ADGRB3: variants seen among roughly 807,000 people sequenced by gnomAD.
ADGRB3 encodes adhesion G protein-coupled receptor B3.
ADGRB3 carries 37 observed loss-of-function variants against 193.4 expected under a neutral mutation model. The observed-to-expected ratio is 0.19, with a 90% CI of 0.15 to 0.25. The LOEUF is 0.25. Among genes scored for constraint, ADGRB3 ranks in the 10% least tolerant of loss-of-function variants. ADGRB3 has a pLI of 1.00. For missense variants in ADGRB3, 1,637 were observed against 1,852.9 expected, an observed-to-expected ratio of 0.88 and a Z score of 2.14; for synonymous variants, 690 against 644.2, an observed-to-expected ratio of 1.07 and a Z score of -1.08.
chr6:69,225,530 A>G (rs1765990984), intron 17 of ADGRB3, among the ~76,000 whole-genome samples: 1 of 152,132 alleles, frequency 6.6e-6, no homozygotes, highest in African/African-American at 2.4e-5. Context: ...TCCTGGCACA[A>G]CCCTTTACCA....
At chr6:69,217,357 G>C (rs1046221997) in intron 17 of ADGRB3, among the ~76,000 whole-genome samples, 4 of 152,082 alleles carry the variant, frequency 2.6e-5, no homozygotes, top group Non-Finnish European at 5.9e-5. Context: ...AGATAAATCT[G>C]TATAATGATT....
At chr6:69,318,502 T>C (rs1409204781) in intron 20 of ADGRB3, among the ~76,000 whole-genome samples, 1 of 151,390 alleles carries the variant, frequency 6.6e-6, no homozygotes, top group African/African-American at 2.4e-5. Context: ...TTCACATTTA[T>C]GTTTGTAAGT....
chr6:69,203,036 G>A (rs1582541489), intron 17 of ADGRB3, among the ~76,000 whole-genome samples: 2 of 152,032 alleles, frequency 1.3e-5, no homozygotes, highest in South Asian at 2.1e-4. Context: ...ATGGCAGATA[G>A]TAGTCATGGT....
At chr6:69,047,393 G>T (rs1047093242) in intron 13 of ADGRB3, among the ~76,000 whole-genome samples, 9 of 149,900 alleles carry the variant, frequency 6.0e-5, no homozygotes, top group African/African-American at 2.2e-4. Flanking sequence ...ATATAAATTT[G>T]TATATAACTA....
chr6:69,013,757 A>C (rs1236719586), intron 11 of ADGRB3, among the ~76,000 whole-genome samples: 2 of 152,106 alleles, frequency 1.3e-5, no homozygotes, highest in Non-Finnish European at 2.9e-5. Flanking sequence ...ATGACATTAC[A>C]GAGTGGAATA....
chr6:68,776,245 G>A (rs1766744786), intron 3 of ADGRB3, among the ~76,000 whole-genome samples: 1 of 152,122 alleles, frequency 6.6e-6, no homozygotes, highest in Admixed American at 6.6e-5. Context: ...TCTGGTCAGA[G>A]ACTCTAATAA....
At chr6:69,112,041 A>G (rs1426165403) in intron 17 of ADGRB3, among the ~76,000 whole-genome samples, 1 of 152,212 alleles carries the variant, frequency 6.6e-6, no homozygotes, top group East Asian at 1.9e-4. Flanking sequence ...TATTTAGGGA[A>G]TAGGCTAAGC....
In ADGRB3 at chr6:69,023,685, G is replaced by T. The variant is rs62418323; in HGVS notation, c.2107+5186G>T. On this transcript the variant is annotated intron_variant, in intron 13 of 31. Transcript: ENST00000370598. The stretch of plus-strand genomic sequence containing the variant: ...AGAGTTGTGCTTTGGTAGAACATAT[G>T]TAAGATGAGAAAATAGAATTGATTG... 3.1e-3 allele frequency among the ~76,000 whole-genome samples: 475 copies of T among 152,216 alleles called. 2 individuals are homozygous for T. The highest frequency in any genetic ancestry group is 6.8e-3 in the Middle Eastern group (2 of 294).
chr6:68,890,730 TA>T (rs2150228955), intron 3 of ADGRB3, among the ~76,000 whole-genome samples: 1 of 152,222 alleles, frequency 6.6e-6, no homozygotes, highest in East Asian at 1.9e-4. Flanking sequence ...GAGAGATTTT[TA>T]AAAATGCACT....
intron 3 of ADGRB3, among the ~76,000 whole-genome samples, chr6:68,726,219 G>A (rs1172506698): frequency 6.6e-6 from 1 of 151,534 alleles, no homozygotes; most frequent in Non-Finnish European, 1.5e-5. Flanking sequence ...TCATCTAAAA[G>A]TATATAAACC....
At chr6:68,861,766 G>A (rs2150214995) in intron 3 of ADGRB3, among the ~76,000 whole-genome samples, 1 of 152,130 alleles carries the variant, frequency 6.6e-6, no homozygotes, top group East Asian at 1.9e-4. Context: ...AAGTAATCTT[G>A]GAGTCAAATG....
chr6:68,814,921 T>G (rs1309418716), intron 3 of ADGRB3, among the ~76,000 whole-genome samples: 1 of 152,158 alleles, frequency 6.6e-6, no homozygotes, highest in East Asian at 1.9e-4. Context: ...AAAAGGCCTT[T>G]GACAAAATTC....
At chr6:68,953,114 A>G (rs1455430733) in intron 6 of ADGRB3, among the ~76,000 whole-genome samples, 1 of 152,114 alleles carries the variant, frequency 6.6e-6, no homozygotes, top group Non-Finnish European at 1.5e-5. Context: ...GTCCCCTGCC[A>G]AATTATCTTC....
intron 20 of ADGRB3, among the ~76,000 whole-genome samples, chr6:69,321,410 T>C (rs1041364518): frequency 6.6e-6 from 1 of 151,722 alleles, no homozygotes; most frequent in Non-Finnish European, 1.5e-5. Context: ...TTTGGAAAGG[T>C]GAACTGTGAG....
chr6:69,370,487 C>A (rs1769684399), intron 29 of ADGRB3, among the ~76,000 whole-genome samples: 1 of 152,088 alleles, frequency 6.6e-6, no homozygotes, highest in Admixed American at 6.6e-5. Flanking sequence ...TCTAATCCTT[C>A]AAGACTGCCA....
At chr6:69,234,673 T>C (rs766544712) in intron 18 of ADGRB3, among the ~76,000 whole-genome samples, 1 of 152,100 alleles carries the variant, frequency 6.6e-6, no homozygotes, top group Non-Finnish European at 1.5e-5. Flanking sequence ...CTGCAGTTAG[T>C]TAAAGAAAAA....
intron 3 of ADGRB3, among the ~76,000 whole-genome samples, chr6:68,808,626 TAGA>T: frequency 6.6e-6 from 1 of 152,114 alleles, no homozygotes; most frequent in Non-Finnish European, 1.5e-5. Context: ...TACTATCTCT[TAGA>T]ATGTTTTGAA....
intron 3 of ADGRB3, among the ~76,000 whole-genome samples, chr6:68,736,675 G>A (rs117248367): frequency 0.022 from 3,365 of 152,048 alleles, 65 homozygotes; most frequent in South Asian, 0.07. Context: ...ATTAAATTTT[G>A]CAAAAATAAA....
intron 8 of ADGRB3, among the ~76,000 whole-genome samples, chr6:68,957,259 T>C (rs768510152): frequency 1.2e-4 from 18 of 152,156 alleles, no homozygotes; most frequent in Non-Finnish European, 2.2e-4. Flanking sequence ...TAATTGCTAA[T>C]GAAAAAATGA....
Sources: allele counts gnomAD v4.1 joint callset (sites outside exome capture counted in the v4.1 genomes callset), GRCh38; gene constraint gnomAD v4.1.1; transcripts MANE v1.5; gene names NCBI Gene and HGNC (gene_info 2026-07-23, HGNC 2026-07-21).